The following MED10 variants were observed in gnomAD, a reference collection of about 807,000 sequenced individuals.
The protein encoded by MED10 is mediator of RNA polymerase II transcription subunit 10.
In MED10, 9 loss-of-function variants were observed where a neutral mutation model predicts 17.2. That is an observed-to-expected ratio of 0.52 (90% CI 0.31 to 0.91). MED10 has a LOEUF of 0.91. Ranked by LOEUF, MED10 falls within the 40% of genes least tolerant of loss-of-function variation. The pLI, the probability that MED10 is intolerant of heterozygous loss-of-function variation, is 0.04. For missense variants in MED10, 129 were observed against 164.8 expected, an observed-to-expected ratio of 0.78 and a Z score of 1.19; for synonymous variants, 66 against 59.8, an observed-to-expected ratio of 1.10 and a Z score of -0.48.
chr5:6,378,364 C>A lies in MED10; in HGVS notation c.120G>T (p.Lys40Asn). The change falls in exon 1 of 4, where the codon AAG becomes AAT. Residue 40 changes from lysine to asparagine, a missense_variant and splice_region_variant. Physicochemically the swap from Lys to Asn is moderately conservative, Grantham distance 94 (BLOSUM62 0). Coordinates refer to ENST00000255764, the MANE Select transcript of MED10 (RefSeq NM_032286.3). ...GGCAGCCTCGGGCCGCCACTCACAGCTTTTGGTTGAGCCCGGCCTGGCTGC... is the reference window on the plus strand; with the variant it reads ...GGCAGCCTCGGGCCGCCACTCACAGATTTTGGTTGAGCCCGGCCTGGCTGC... ...QPSSQAGLNQ[K>N]LNFIVTGLQD... is the part of the protein sequence containing the mutation. The A allele has an allele frequency of 6.2e-7, 1 of 1,608,538 alleles. No individual in the cohort carries two copies. The highest frequency in any genetic ancestry group is 8.5e-7 in the Non-Finnish European group (1 of 1,178,222).
intron 2 of MED10, 73 bp downstream of exon 2, chr5:6,377,093 T>A: frequency 1.0e-6 from 1 of 986,724 alleles, no homozygotes; most frequent in South Asian, 1.8e-5. Flanking sequence ...ATGCCAGTGA[T>A]GAAGAAGTCA....
intron 2 of MED10, chr5:6,376,917 C>T (rs1322507070): frequency 9.3e-6 from 3 of 321,784 alleles, no homozygotes; most frequent in Non-Finnish European, 1.7e-5. Flanking sequence ...TTACATGTAA[C>T]TTTTTTTCCA....
intron 1 of MED10, among the ~76,000 whole-genome samples, chr5:6,378,161 C>T (rs1471114135): frequency 6.6e-6 from 1 of 152,250 alleles, no homozygotes; most frequent in Non-Finnish European, 1.5e-5. Context: ...GAGGTTGGCT[C>T]TTGGCAACAG....
chr5:6,378,241 GGGCTGGCGGGGCACGAGTAGCGGTCA>G (rs1738041184), intron 1 of MED10, 95 bp downstream of exon 1: 1 of 1,365,290 alleles, frequency 7.3e-7, no homozygotes, highest in Middle Eastern at 2.5e-4. Flanking sequence ...CCAGACCAGA[GGGCTGGCGGGGCACGAGTAGCGGTCA>G]GGCTCGGCTC....
Position 6,374,090 on chromosome 5 carries a change from T to C in MED10, c.309+234A>G, listed in dbSNP as rs148447648. Reference sequence around the variant, plus strand: ...TGATCACAGCCAGTGAGAACTACTATCACAAAAATTACTCTGGATTTCCTT... The same window carrying C: ...TGATCACAGCCAGTGAGAACTACTACCACAAAAATTACTCTGGATTTCCTT... On this transcript the variant is annotated intron_variant, in intron 3 of 3. Coordinates refer to ENST00000255764, the MANE Select transcript of MED10 (RefSeq NM_032286.3). Among the ~76,000 whole-genome samples the C allele has an allele frequency of 1.4e-3, 213 of 152,346 alleles. 1 individual carries two copies. The highest frequency in any genetic ancestry group is 3.4e-3 in the Middle Eastern group (1 of 294).
chr5:6,373,361 G>A (rs1737925955), intron 3 of MED10, among the ~76,000 whole-genome samples: 2 of 152,172 alleles, frequency 1.3e-5, no homozygotes, highest in East Asian at 1.9e-4. Flanking sequence ...TGTCCTCTGT[G>A]ATCCTGGAGC....
intron 1 of MED10, 63 bp downstream of exon 1, chr5:6,378,299 C>A: frequency 6.7e-7 from 1 of 1,493,134 alleles, no homozygotes; most frequent in Admixed American, 2.1e-5. Flanking sequence ...ATCCCCGCTC[C>A]CCTAGCACAC....
intron 2 of MED10, among the ~76,000 whole-genome samples, chr5:6,375,104 T>C (rs573640083): frequency 1.2e-4 from 18 of 152,152 alleles, no homozygotes; most frequent in Non-Finnish European, 2.4e-4. Flanking sequence ...TTCTAAACAG[T>C]ATAAAACTGT....
chr5:6,378,423 G>T lies in MED10; in HGVS notation c.61C>A (p.Gln21Lys). The T allele has an allele frequency of 6.2e-7, 1 of 1,613,678 alleles. No homozygotes were observed. The highest frequency in any genetic ancestry group is 8.5e-7 in the Non-Finnish European group (1 of 1,179,902). ...HLEKFVENIR[Q>K]LGIIVSDFQP... ...AAGTCACTGACGATGATGCCGAGCT[G>T]CCGAATGTTCTCCACGAACTTCTCC... is the stretch of plus-strand genomic sequence containing the variant. The change falls in exon 1 of 4, where the codon CAG (glutamine) becomes AAG (lysine). Residue 21 changes from glutamine (Q) to lysine (K), a missense_variant. This residue lies in a region of MED10 where 6 missense variants were observed against 26.1 expected (regional missense o/e 0.23). Transcript: ENST00000255764.
chr5:6,373,793 T>A (rs1032962207), intron 3 of MED10, among the ~76,000 whole-genome samples: 1 of 152,158 alleles, frequency 6.6e-6, no homozygotes, highest in Admixed American at 6.5e-5. Context: ...TTTGAGTCAA[T>A]TTAAGAAAAA....
At chr5:6,373,472 C>T (rs1737927917) in intron 3 of MED10, among the ~76,000 whole-genome samples, 1 of 152,170 alleles carries the variant, frequency 6.6e-6, no homozygotes. Flanking sequence ...AGGCTGGTCC[C>T]AAAGGCCTCT....
At chr5:6,376,130 G>A (rs1217777221) in intron 2 of MED10, among the ~76,000 whole-genome samples, 2 of 152,206 alleles carry the variant, frequency 1.3e-5, no homozygotes, top group African/African-American at 4.8e-5. Flanking sequence ...GGTGCCCACT[G>A]AGCACAGGTA....
In MED10 at chr5:6,374,383, A is replaced by G. The variant is rs987087203; in HGVS notation, c.250T>C (p.Cys84Arg). The change falls in exon 3 of 4, where the codon TGC becomes CGC. Residue 84 changes from cysteine to arginine, a missense_variant. Coordinates refer to ENST00000255764, the MANE Select transcript of MED10 (RefSeq NM_032286.3). ...TTTTTAGCTAGAGCCCTCTCCAGGC[A>G]CTCTTTGGTGTAGAGCTGGGGATTT... ...GRNPQLYTKE[C>R]LERALAKNEQ... The G allele has an allele frequency of 5.0e-6, 8 of 1,613,752 alleles. No homozygotes were observed. The highest frequency in any genetic ancestry group is 6.8e-6 in the Non-Finnish European group (8 of 1,179,900).
At chr5:6,372,887 G>A (rs72651082) in intron 3 of MED10, among the ~76,000 whole-genome samples, 4,902 of 152,274 alleles carry the variant, frequency 0.032, 90 homozygotes, top group Non-Finnish European at 0.048. Flanking sequence ...CCACGTCCCT[G>A]GTGACCCAGT....
Position 6,372,079 on chromosome 5 carries a change from A to T in MED10, c.*424T>A, listed in dbSNP as rs1237262204. The T allele has an allele frequency of 6.4e-6, 1 of 155,376 alleles. No homozygotes were observed. The highest frequency in any genetic ancestry group is 1.9e-4 in the East Asian group (1 of 5,306). The allele number at this position is 155,376 out of a possible 1,614,324, so 9.6% of individuals were successfully genotyped here. A position where few individuals can be genotyped will look rare whatever the true frequency, so the allele number is the denominator to read the frequency against. The stretch of plus-strand genomic sequence containing the variant: ...TAAACTGATTTTTCTTTTTTTAAAA[A>T]AATTTTTCCTAGTCGTTATTTAGCT... On this transcript the variant is annotated 3_prime_UTR_variant, in exon 4 of 4. Transcript: ENST00000255764.
intron 3 of MED10, among the ~76,000 whole-genome samples, chr5:6,372,894 C>T (rs1396654039): frequency 6.6e-6 from 1 of 152,194 alleles, no homozygotes; most frequent in Non-Finnish European, 1.5e-5. Context: ...CCTGGTGACC[C>T]AGTGGCTGTG....
intron 1 of MED10, among the ~76,000 whole-genome samples, chr5:6,377,987 C>G (rs931850811): frequency 5.9e-5 from 9 of 152,236 alleles, no homozygotes; most frequent in African/African-American, 2.2e-4. Context: ...CCTGCCTCCC[C>G]TCTGGAGACA....
In MED10 at chr5:6,371,951, G is replaced by A. The variant is rs1419214425; in HGVS notation, c.*552C>T. 1 of 152,208 alleles carries A rather than the reference G, an allele frequency of 6.6e-6. No homozygotes were observed. The highest frequency in any genetic ancestry group is 1.5e-5 in the Non-Finnish European group (1 of 68,088). The allele number at this position is 152,208 out of a possible 1,614,324, so 9.4% of individuals were successfully genotyped here. On this transcript the variant is annotated 3_prime_UTR_variant, in exon 4 of 4. Transcript: ENST00000255764. ...TAAGCCACATACTTAGTTTATTATA[G>A]GCATGTCTAATTGAAATCCATGAAA...
Position 6,374,409 on chromosome 5 carries a change from C to T in MED10, c.224G>A (p.Arg75Gln), listed in dbSNP as rs1421036596. The T allele has an allele frequency of 4.3e-6, 7 of 1,611,166 alleles. No homozygotes were observed. The highest frequency in any genetic ancestry group is 5.9e-6 in the Non-Finnish European group (7 of 1,178,216). ...LEVFEYIDQG[R>Q]NPQLYTKECL... Reference sequence around the variant, plus strand: ...CTCTTTGGTGTAGAGCTGGGGATTTCGACCTTGATCTATATATCTGGAAAC... The same window carrying T: ...CTCTTTGGTGTAGAGCTGGGGATTTTGACCTTGATCTATATATCTGGAAAC... The change falls in exon 3 of 4, where the codon CGA becomes CAA. Residue 75 changes from arginine (R) to glutamine (Q), a missense_variant. This residue lies in a region of MED10 where 100 missense variants were observed against 121.0 expected (regional missense o/e 0.83). Coordinates refer to ENST00000255764, the MANE Select transcript of MED10 (RefSeq NM_032286.3).
Sources: allele counts gnomAD v4.1 joint callset (sites outside exome capture counted in the v4.1 genomes callset), GRCh38; gene constraint gnomAD v4.1.1; regional missense constraint gnomAD v4.1.1; transcripts MANE v1.5; gene names NCBI Gene and HGNC (gene_info 2026-07-23, HGNC 2026-07-21).